STX18: variants seen among roughly 807,000 people sequenced by gnomAD.
The protein encoded by STX18 is syntaxin 18.
STX18 carries 40 observed loss-of-function variants against 50.1 expected under a neutral mutation model. The ratio of observed to expected loss-of-function variants is 0.80; its 90% CI spans 0.62 to 1.04. The LOEUF is 1.04. Among genes scored for constraint, STX18 ranks in the 50% least tolerant of loss-of-function variants. STX18 has a pLI of 0.00. For synonymous variants in STX18, 158 were observed against 151.8 expected, an observed-to-expected ratio of 1.04 and a Z score of -0.30; for missense variants, 410 against 415.8, an observed-to-expected ratio of 0.99 and a Z score of 0.12.
In STX18 at chr4:4,457,410, GA is replaced by G; in HGVS notation, c.430+12del. ...GAAATGTTACATTTGACCTTTAAAA[GA>G]AAATGAAATACTTTTCAAGTAATCT... On this transcript the variant is annotated intron_variant, in intron 4 of 10. Transcript: ENST00000306200. 1.2e-6 allele frequency: 2 copies of G among 1,610,142 alleles called. No homozygotes were observed. The highest frequency in any genetic ancestry group is 1.7e-6 in the Non-Finnish European group (2 of 1,177,338).
chr4:4,438,402 T>C lies in STX18; in HGVS notation c.605A>G (p.Glu202Gly). ...KDSEENPATE[E>G]RPEKILAETQ... ...TTCATCTCAATTCGTACCTGGACGT[T>C]CTTCAGTGGCAGGGTTTTCTTCAGA... is the stretch of plus-strand genomic sequence containing the variant. Residue 202 changes from glutamate to glycine, a missense_variant, in exon 6 of 11, where the codon GAA (glutamate) becomes GGA (glycine). Physicochemically the swap from Glu to Gly is moderately conservative, Grantham distance 98. Coordinates refer to ENST00000306200, the MANE Select transcript of STX18 (RefSeq NM_016930.4). 1 of 1,610,786 alleles carries C rather than the reference T, an allele frequency of 6.2e-7. No homozygotes were observed. Among genetic ancestry groups the C allele is most frequent in the Non-Finnish European group, 8.5e-7 (1 of 1,178,450 alleles).
intron 6 of STX18, among the ~76,000 whole-genome samples, chr4:4,438,133 C>T (rs1022240719): frequency 3.9e-5 from 6 of 152,202 alleles, no homozygotes; most frequent in Non-Finnish European, 7.4e-5. Flanking sequence ...AGACAGCTCC[C>T]GGCCTCACCC....
At chr4:4,519,854 C>G (rs1185729158) in intron 1 of STX18, among the ~76,000 whole-genome samples, 1 of 152,182 alleles carries the variant, frequency 6.6e-6, no homozygotes, top group Non-Finnish European at 1.5e-5. Context: ...CTGCCTAATA[C>G]AATTCCCTGT....
At chr4:4,504,585 T>G (rs1188022518) in intron 1 of STX18, among the ~76,000 whole-genome samples, 1 of 152,052 alleles carries the variant, frequency 6.6e-6, no homozygotes, top group African/African-American at 2.4e-5. Context: ...AAAGGACTTG[T>G]TGTTCAGAAT....
intron 5 of STX18, among the ~76,000 whole-genome samples, chr4:4,439,883 G>C (rs960291723): frequency 2.0e-5 from 3 of 152,074 alleles, no homozygotes; most frequent in Non-Finnish European, 4.4e-5. Flanking sequence ...TTCTGTGAAG[G>C]AAAGGCCGCC....
intron 1 of STX18, among the ~76,000 whole-genome samples, chr4:4,482,910 G>A (rs1022350264): frequency 2.0e-5 from 3 of 152,168 alleles, no homozygotes; most frequent in Admixed American, 6.5e-5. Flanking sequence ...TCTTAACCTA[G>A]GAAAAGTATA....
At position 4,420,701 on chromosome 4, in the gene STX18, G is replaced by C. The variant is rs1304432764; in HGVS notation, c.912+163C>G. 1.6e-6 allele frequency: 1 copy of C among 636,818 alleles called. No individual in the cohort carries two copies. Among genetic ancestry groups the C allele is most frequent in the South Asian group, 1.9e-5 (1 of 52,572 alleles). 39.4% of individuals were successfully genotyped at this position (636,818 alleles called of 1,614,324 possible). A position where few individuals can be genotyped will look rare whatever the true frequency, so the allele number is the denominator to read the frequency against. On this transcript the variant is annotated intron_variant, in intron 10 of 10. Coordinates refer to ENST00000306200, the MANE Select transcript of STX18 (RefSeq NM_016930.4). This position sits in a 1 kb window ranked among gnomAD's most constrained non-coding sequence, Gnocchi z 4.3. ...AGCTGGAGGTGGGCGACAGGTGGTG[G>C]GTCTCATGAACACACGCAGCTCCGC...
chr4:4,466,507 G>C (rs1727629439), intron 2 of STX18, among the ~76,000 whole-genome samples: 1 of 152,190 alleles, frequency 6.6e-6, no homozygotes, highest in Non-Finnish European at 1.5e-5. Context: ...CTACACCTGT[G>C]CCTTCCAGAC....
At chr4:4,497,529 CTCATT>C (rs1729235191) in intron 1 of STX18, among the ~76,000 whole-genome samples, 1 of 152,194 alleles carries the variant, frequency 6.6e-6, no homozygotes, top group Admixed American at 6.5e-5. Flanking sequence ...CAAACATTAA[CTCATT>C]TAATTCTCAT....
chr4:4,491,698 T>C (rs1404848040), intron 1 of STX18, among the ~76,000 whole-genome samples: 3 of 152,130 alleles, frequency 2.0e-5, no homozygotes, highest in Non-Finnish European at 4.4e-5. Flanking sequence ...TGTGATATCG[T>C]TGATCACAAG....
At chr4:4,497,786 A>C (rs983422220) in intron 1 of STX18, among the ~76,000 whole-genome samples, 1 of 152,218 alleles carries the variant, frequency 6.6e-6, no homozygotes, top group Non-Finnish European at 1.5e-5. Context: ...GCCAGTAAAA[A>C]AATGTGTTCG....
At chr4:4,438,285 A>C (rs1226740038) in intron 6 of STX18, 109 bp downstream of exon 6, 9 of 856,498 alleles carry the variant, frequency 1.1e-5, no homozygotes, top group Non-Finnish European at 1.5e-5. Context: ...TTATGCAAAT[A>C]CAAACACCAA....
At chr4:4,540,987 T>C (rs1577417890) in intron 1 of STX18, among the ~76,000 whole-genome samples, 1 of 152,328 alleles carries the variant, frequency 6.6e-6, no homozygotes, top group Middle Eastern at 3.4e-3. Context: ...ATATAAGCTG[T>C]AGGCCCCACA....
chr4:4,448,423 C>T (rs1726550036), intron 5 of STX18, among the ~76,000 whole-genome samples: 1 of 151,938 alleles, frequency 6.6e-6, no homozygotes, highest in South Asian at 2.1e-4. Flanking sequence ...CTCACCACAA[C>T]CTCTACCTTC....
chr4:4,507,480 C>A, intron 1 of STX18: 1 of 762,396 alleles, frequency 1.3e-6, no homozygotes, highest in Non-Finnish European at 2.5e-6. Flanking sequence ...AGCATATTAT[C>A]TTTATCGCTC....
At chr4:4,538,243 G>C (rs1731431535) in intron 1 of STX18, among the ~76,000 whole-genome samples, 1 of 152,136 alleles carries the variant, frequency 6.6e-6, no homozygotes, top group African/African-American at 2.4e-5. Flanking sequence ...ATGTTGCAAA[G>C]GATTCTGAGC....
chr4:4,538,167 CTA>C (rs758649566), intron 1 of STX18, among the ~76,000 whole-genome samples: 34 of 151,332 alleles, frequency 2.2e-4, no homozygotes, highest in Non-Finnish European at 4.7e-4. Context: ...TCTACTGTTA[CTA>C]TATGTCAAGT....
chr4:4,507,245 C>T, intron 1 of STX18: 1 of 667,414 alleles, frequency 1.5e-6, no homozygotes, highest in East Asian at 3.0e-5. Context: ...CCATACTTTA[C>T]AGTGTACTAT....
At chr4:4,450,227 C>T (rs746026068) in intron 5 of STX18, among the ~76,000 whole-genome samples, 7 of 152,160 alleles carry the variant, frequency 4.6e-5, no homozygotes, top group Non-Finnish European at 8.8e-5. Flanking sequence ...AATTGAAAAC[C>T]GTGAATTCGT....
Sources: allele counts gnomAD v4.1 joint callset (sites outside exome capture counted in the v4.1 genomes callset), GRCh38; gene constraint gnomAD v4.1.1; non-coding constraint Gnocchi (gnomAD v3.1); transcripts MANE v1.5; gene names NCBI Gene and HGNC (gene_info 2026-07-23, HGNC 2026-07-21).